SLC44A5: variants seen among roughly 807,000 people sequenced by gnomAD.
The protein encoded by SLC44A5 is solute carrier family 44 member 5, also known as choline transporter-like protein 5.
In SLC44A5, 57 loss-of-function variants were observed where a neutral mutation model predicts 101.8. That is an observed-to-expected ratio of 0.56 (90% CI 0.45 to 0.70). The LOEUF (loss-of-function observed/expected upper bound fraction) is 0.70, where lower values mean the gene tolerates loss of function less well. Ranked by LOEUF, SLC44A5 falls within the 30% of genes least tolerant of loss-of-function variation. The pLI is 0.00. For missense variants in SLC44A5, 737 were observed against 853.1 expected (o/e 0.86, Z 1.70); for synonymous variants, 281 against 290.9 (o/e 0.97, Z 0.35).
the SLC44A5 span, chr1:75,677,750 A>C: frequency 2.3e-6 from 1 of 441,286 alleles, no homozygotes; most frequent in Non-Finnish European, 4.5e-6. Context: ...CACATTTCCA[A>C]GGGAGGAACC....
intron 3 of SLC44A5, among the ~76,000 whole-genome samples, chr1:75,349,547 C>A (rs1355237234): frequency 6.6e-6 from 1 of 152,114 alleles, no homozygotes; most frequent in African/African-American, 2.4e-5. Flanking sequence ...AATAAAGACA[C>A]TTTCAGGCAA....
intron 2 of SLC44A5, among the ~76,000 whole-genome samples, chr1:75,468,844 C>G (rs900548267): frequency 6.6e-6 from 1 of 151,906 alleles, no homozygotes; most frequent in Admixed American, 6.6e-5. Flanking sequence ...ATTAGTGACC[C>G]AAGAGATAAA....
the SLC44A5 span, among the ~76,000 whole-genome samples, chr1:75,636,090 C>T: frequency 6.6e-6 from 1 of 152,002 alleles, no homozygotes; most frequent in East Asian, 1.9e-4. Flanking sequence ...CCCTCGGAGT[C>T]TCCTTTGCCT....
intron 2 of SLC44A5, among the ~76,000 whole-genome samples, chr1:75,515,069 TATC>T (rs1669756157): frequency 1.3e-5 from 2 of 152,192 alleles, no homozygotes; most frequent in Admixed American, 6.5e-5. Flanking sequence ...CAGTTCAGCT[TATC>T]ATTCTCTTAC....
chr1:75,616,455 G>A, the SLC44A5 span, among the ~76,000 whole-genome samples: 3 of 152,234 alleles, frequency 2.0e-5, no homozygotes, highest in Admixed American at 2.0e-4. Flanking sequence ...CTTCCTCTGG[G>A]CCTTCGAAGC....
chr1:75,615,850 C>T, upstream of SLC44A5: 2 of 988,010 alleles, frequency 2.0e-6, no homozygotes, highest in African/African-American at 1.7e-5. Flanking sequence ...GAGCGGGACT[C>T]ACCCTTGATG....
At chr1:75,682,286 C>T in the SLC44A5 span, among the ~76,000 whole-genome samples, 5,036 of 152,044 alleles carry the variant, frequency 0.033, 277 homozygotes, top group African/African-American at 0.11. Flanking sequence ...AAAAAGAGCC[C>T]GCATTGCCAA....
At chr1:75,711,927 A>AAAT in the SLC44A5 span, among the ~76,000 whole-genome samples, 3 of 152,178 alleles carry the variant, frequency 2.0e-5, no homozygotes, top group African/African-American at 7.2e-5. Flanking sequence ...GGTCTCAGAT[A>AAAT]TTTCCAGTTT....
chr1:75,542,384 TAA>T (rs559312459), intron 1 of SLC44A5, among the ~76,000 whole-genome samples: 6 of 152,130 alleles, frequency 3.9e-5, no homozygotes, highest in Non-Finnish European at 5.9e-5. Context: ...GCATTTATAT[TAA>T]GTTCTTCAAA....
the SLC44A5 span, among the ~76,000 whole-genome samples, chr1:75,661,411 A>AC: frequency 5.2e-3 from 775 of 148,442 alleles, 7 homozygotes; most frequent in African/African-American, 0.018. Flanking sequence ...AAAAAAAAAA[A>AC]AAAACACCAT....
intron 7 of SLC44A5, among the ~76,000 whole-genome samples, chr1:75,247,967 TG>T (rs2100632823): frequency 6.6e-6 from 1 of 151,788 alleles, no homozygotes; most frequent in East Asian, 1.9e-4. Context: ...TGGAGGGGGA[TG>T]TGGGATCAAG....
chr1:75,427,250 A>G (rs1004474904), intron 2 of SLC44A5, among the ~76,000 whole-genome samples: 3 of 152,176 alleles, frequency 2.0e-5, no homozygotes, highest in African/African-American at 7.2e-5. Context: ...CCTACATGCT[A>G]CCTTCATTAA....
At chr1:75,607,010 C>T (rs1002196230) in intron 1 of SLC44A5, among the ~76,000 whole-genome samples, 2 of 151,990 alleles carry the variant, frequency 1.3e-5, no homozygotes, top group African/African-American at 4.8e-5. Flanking sequence ...TAAATACCAC[C>T]AATGTTCTGA....
Position 75,390,262 on chromosome 1 carries a change from T to G in SLC44A5, c.52+6321A>C, listed in dbSNP as rs891445809. Reference sequence around the variant, plus strand: ...GAGCTGGTACCAATCTTACTGAAACTATTCCAAAAAATCAAGGAGAGGAGA... The same window carrying G: ...GAGCTGGTACCAATCTTACTGAAACGATTCCAAAAAATCAAGGAGAGGAGA... On this transcript the variant is annotated intron_variant, in intron 3 of 23. Transcript: ENST00000370859. 3.3e-5 allele frequency among the ~76,000 whole-genome samples: 5 copies of G among 152,154 alleles called. No homozygotes were observed. The South Asian group carries it at 8.3e-4, about 25-fold the overall frequency.
intron 2 of SLC44A5, among the ~76,000 whole-genome samples, chr1:75,470,599 A>G (rs1421669754): frequency 1.3e-5 from 2 of 152,144 alleles, no homozygotes; most frequent in Non-Finnish European, 2.9e-5. Flanking sequence ...GGGGGAGGGA[A>G]TGTTACTGGC....
intron 6 of SLC44A5, among the ~76,000 whole-genome samples, chr1:75,262,898 A>G (rs1650652565): frequency 1.3e-5 from 2 of 152,226 alleles, no homozygotes; most frequent in South Asian, 4.1e-4. Flanking sequence ...TCCCAATTTA[A>G]TAAATGGTGT....
At chr1:75,589,445 T>G (rs1344308138) in intron 1 of SLC44A5, among the ~76,000 whole-genome samples, 2 of 152,192 alleles carry the variant, frequency 1.3e-5, no homozygotes, top group Non-Finnish European at 2.9e-5. Context: ...AGAAATTTGT[T>G]TGATAAACTG....
chr1:75,227,761 A>G lies in SLC44A5; in HGVS notation c.950T>C (p.Met317Thr), dbSNP rs1291911104. 6.3e-7 allele frequency: 1 copy of G among 1,576,568 alleles called. No individual in the cohort carries two copies. The highest frequency in any genetic ancestry group is 1.2e-5 in the South Asian group (1 of 82,976). ...CCATGTTTGTTGCAGTTCAAAGTACATGCTTATGTTAGTCTGAATCCCGAT... is the reference window on the plus strand; with the variant it reads ...CCATGTTTGTTGCAGTTCAAAGTACGTGCTTATGTTAGTCTGAATCCCGAT... ...YDIGIQTNIS[M>T]YFELQQTWFT... The change falls in exon 13 of 24, where the codon ATG becomes ACG. Residue 317 changes from methionine to threonine, a missense_variant. Coordinates refer to ENST00000370859, the MANE Select transcript of SLC44A5 (RefSeq NM_001130058.2).
intron 2 of SLC44A5, among the ~76,000 whole-genome samples, chr1:75,481,240 T>C (rs529207610): frequency 8.5e-5 from 13 of 152,312 alleles, no homozygotes; most frequent in Admixed American, 2.0e-4. Context: ...TTATGCCTTA[T>C]ACAAAAATTA....
Sources: allele counts gnomAD v4.1 joint callset (sites outside exome capture counted in the v4.1 genomes callset), GRCh38; gene constraint gnomAD v4.1.1; transcripts MANE v1.5; gene names NCBI Gene and HGNC (gene_info 2026-07-23, HGNC 2026-07-21).